NKAIN2: variants seen among roughly 807,000 people sequenced by gnomAD.
NKAIN2 encodes sodium/potassium-transporting ATPase subunit beta-1-interacting protein 2.
Under a neutral mutation model 32.6 loss-of-function variants are expected in NKAIN2, and 14 were observed. The ratio of observed to expected loss-of-function variants is 0.43; its 90% CI spans 0.28 to 0.67. The LOEUF is 0.67. Among genes scored for constraint, NKAIN2 ranks in the 30% least tolerant of loss-of-function variants. The pLI, the probability that NKAIN2 is intolerant of heterozygous loss-of-function variation, is 0.17. For synonymous variants in NKAIN2, 80 were observed against 87.2 expected, an observed-to-expected ratio of 0.92 and a Z score of 0.46; for missense variants, 198 against 258.3, an observed-to-expected ratio of 0.77 and a Z score of 1.60.
At chr6:124,136,403 G>T (rs1786787086) in intron 1 of NKAIN2, among the ~76,000 whole-genome samples, 1 of 152,038 alleles carries the variant, frequency 6.6e-6, no homozygotes, top group Non-Finnish European at 1.5e-5. Flanking sequence ...GGATCAGATG[G>T]ATTCACAGCT....
chr6:124,162,112 G>A (rs1788311100), intron 1 of NKAIN2, among the ~76,000 whole-genome samples: 1 of 152,038 alleles, frequency 6.6e-6, no homozygotes, highest in South Asian at 2.1e-4. Flanking sequence ...AAATCTAGTT[G>A]TATCACTCAT....
chr6:124,476,280 G>T (rs942707722), intron 3 of NKAIN2, among the ~76,000 whole-genome samples: 1 of 151,818 alleles, frequency 6.6e-6, no homozygotes. Context: ...CCTATCATCT[G>T]CCTCTTGGTC....
chr6:124,348,774 T>G, intron 2 of NKAIN2, among the ~76,000 whole-genome samples: 1 of 152,190 alleles, frequency 6.6e-6, no homozygotes, highest in Non-Finnish European at 1.5e-5. Flanking sequence ...GCACCTTGCA[T>G]GAGCCGAAGC....
chr6:124,727,413 A>G (rs919673437), intron 4 of NKAIN2, among the ~76,000 whole-genome samples: 2 of 151,536 alleles, frequency 1.3e-5, no homozygotes, highest in East Asian at 3.9e-4. Flanking sequence ...CAACATTCTT[A>G]AAGAAAAGAA....
At chr6:124,037,986 A>T (rs1781681086) in intron 1 of NKAIN2, among the ~76,000 whole-genome samples, 1 of 152,164 alleles carries the variant, frequency 6.6e-6, no homozygotes. Flanking sequence ...ATGGATAAAC[A>T]TTAAAGTAGA....
In NKAIN2 at chr6:124,446,950, T is replaced by C. The variant is rs138294258; in HGVS notation, c.273+91603T>C. ...TGGGTGAACAGCACGGATGCTGCTA[T>C]ACATCCTACAATGCACAGGACAGCC... On this transcript the variant is annotated intron_variant, in intron 3 of 6. Transcript: ENST00000368417. Among the ~76,000 whole-genome samples, 686 of 152,260 alleles carry C rather than the reference T, an allele frequency of 4.5e-3. 4 individuals carry two copies. Among genetic ancestry groups the C allele is most frequent in the African/African-American group, 0.015 (634 of 41,572 alleles).
chr6:123,851,793 C>T (rs147694349), intron 1 of NKAIN2, among the ~76,000 whole-genome samples: 154 of 152,174 alleles, frequency 1.0e-3, no homozygotes, highest in South Asian at 3.3e-3. Flanking sequence ...TTAAGTCTTG[C>T]GATAGAGTTC....
chr6:124,553,388 A>T (rs1270821747), intron 3 of NKAIN2, among the ~76,000 whole-genome samples: 2 of 151,494 alleles, frequency 1.3e-5, no homozygotes, highest in African/African-American at 4.9e-5. Context: ...GCTCACTGCA[A>T]CCTCCGCCTC....
chr6:124,334,131 G>T (rs907281995), intron 2 of NKAIN2, among the ~76,000 whole-genome samples: 23 of 152,112 alleles, frequency 1.5e-4, no homozygotes, highest in African/African-American at 5.1e-4. Flanking sequence ...ATGATTTTAA[G>T]TATTTCTCTG....
rs1318658957 is a variant in NKAIN2, at chr6:124,683,729, A to G, written c.474+25343A>G. On this transcript the variant is annotated intron_variant, in intron 4 of 6. Transcript: ENST00000368417. ...ACCGACCTCTCTATTCACTCACTCA[A>G]GCATAAGCATTGGCTTCAAATGCAG... Among the ~76,000 whole-genome samples the G allele has an allele frequency of 2.0e-5, 3 of 152,140 alleles. No homozygotes were observed. The East Asian group carries it at 5.8e-4, about 29-fold the overall frequency.
At chr6:124,025,406 C>A (rs1781060559) in intron 1 of NKAIN2, among the ~76,000 whole-genome samples, 1 of 151,792 alleles carries the variant, frequency 6.6e-6, no homozygotes, top group South Asian at 2.1e-4. Flanking sequence ...GCACGAAGAA[C>A]ACCTCCCAAT....
chr6:124,307,678 T>C (rs1796560365), intron 2 of NKAIN2, among the ~76,000 whole-genome samples: 1 of 152,206 alleles, frequency 6.6e-6, no homozygotes, highest in Admixed American at 6.5e-5. Context: ...TAGGAAAATA[T>C]TCTCTTAAAG....
At chr6:124,639,641 A>G (rs1783911784) in intron 3 of NKAIN2, among the ~76,000 whole-genome samples, 1 of 152,212 alleles carries the variant, frequency 6.6e-6, no homozygotes, top group Non-Finnish European at 1.5e-5. Flanking sequence ...AAAGAAAAAA[A>G]AAAGTATATA....
chr6:124,755,674 C>A (rs997047165), intron 4 of NKAIN2, among the ~76,000 whole-genome samples: 2 of 152,086 alleles, frequency 1.3e-5, no homozygotes, highest in African/African-American at 4.8e-5. Flanking sequence ...AACACATGGA[C>A]ACACAGAGGG....
At chr6:124,485,891 A>G (rs1049510569) in intron 3 of NKAIN2, among the ~76,000 whole-genome samples, 1 of 152,196 alleles carries the variant, frequency 6.6e-6, no homozygotes, top group South Asian at 2.1e-4. Context: ...GAAGACATGC[A>G]AGAGGTGTAG....
chr6:123,808,397 G>A (rs939393749), intron 1 of NKAIN2, among the ~76,000 whole-genome samples: 1 of 152,158 alleles, frequency 6.6e-6, no homozygotes, highest in Non-Finnish European at 1.5e-5. Flanking sequence ...TGTTGAGTTT[G>A]CTAAGTTGTA....
intron 1 of NKAIN2, among the ~76,000 whole-genome samples, chr6:123,901,387 G>A (rs1301645661): frequency 6.6e-6 from 1 of 151,922 alleles, no homozygotes; most frequent in African/African-American, 2.4e-5. Context: ...ATTTGTCTTA[G>A]AGCCTCAATG....
At chr6:124,768,251 T>C (rs1187684290) in intron 4 of NKAIN2, among the ~76,000 whole-genome samples, 2 of 152,214 alleles carry the variant, frequency 1.3e-5, no homozygotes, top group Admixed American at 6.5e-5. Flanking sequence ...GTATTGAGTA[T>C]AACAAACCAG....
At chr6:124,791,105 A>G (rs1423863046) in intron 4 of NKAIN2, among the ~76,000 whole-genome samples, 2 of 152,186 alleles carry the variant, frequency 1.3e-5, no homozygotes, top group Non-Finnish European at 2.9e-5. Flanking sequence ...CAATTATCAA[A>G]TCTTACACAT....
Sources: allele counts gnomAD v4.1 joint callset (sites outside exome capture counted in the v4.1 genomes callset), GRCh38; gene constraint gnomAD v4.1.1; transcripts MANE v1.5; gene names NCBI Gene and HGNC (gene_info 2026-07-23, HGNC 2026-07-21).